PTPRD: variants seen among roughly 807,000 people sequenced by gnomAD.
PTPRD encodes receptor-type tyrosine-protein phosphatase delta.
A neutral mutation model predicts 214.5 loss-of-function variants in PTPRD; 34 were observed. The ratio of observed to expected loss-of-function variants is 0.16; its 90% CI spans 0.12 to 0.21. The LOEUF is 0.21. PTPRD is among the 10% of genes least tolerant of loss of function. The pLI, the probability that PTPRD is intolerant of heterozygous loss-of-function variation, is 1.00. For missense variants in PTPRD, 2,545 were observed against 2,398.7 expected (o/e 1.06, Z -1.27); for synonymous variants, 1,128 against 845.7 (o/e 1.33, Z -5.79).
intron 10 of PTPRD, among the ~76,000 whole-genome samples, chr9:9,041,817 C>T (rs992339706): frequency 6.6e-6 from 1 of 152,182 alleles, no homozygotes; most frequent in South Asian, 2.1e-4. Context: ...ACAACTAGGA[C>T]TCCTAAATCC....
At chr9:9,679,941 T>C (rs891337569) in intron 7 of PTPRD, among the ~76,000 whole-genome samples, 4 of 151,918 alleles carry the variant, frequency 2.6e-5, no homozygotes, top group Admixed American at 2.0e-4. Context: ...AAATAAGATA[T>C]GCAAAACTGC....
At chr9:8,757,635 TATATATACATACATATATAC>T (rs1351989587) in intron 11 of PTPRD, among the ~76,000 whole-genome samples, 388 of 145,548 alleles carry the variant, frequency 2.7e-3, no homozygotes, top group African/African-American at 9.5e-3. Context: ...TATATATATA[TATATATACATACATATATAC>T]ATATATATAT....
intron 33 of PTPRD, among the ~76,000 whole-genome samples, chr9:8,456,661 A>T (rs116656515): frequency 0.017 from 2,536 of 152,310 alleles, 80 homozygotes; most frequent in African/African-American, 0.059. Context: ...CAAAGCTTGC[A>T]GAGAGCCAGT....
At chr9:9,388,743 T>A (rs2064785878) in intron 9 of PTPRD, among the ~76,000 whole-genome samples, 1 of 152,170 alleles carries the variant, frequency 6.6e-6, no homozygotes, top group East Asian at 1.9e-4. Flanking sequence ...TAGGTATTAG[T>A]CTAAGGAAAG....
intron 9 of PTPRD, among the ~76,000 whole-genome samples, chr9:9,354,718 T>G (rs187512583): frequency 6.6e-6 from 1 of 151,912 alleles, no homozygotes; most frequent in Admixed American, 6.6e-5. Context: ...GTAAGAAGGA[T>G]TTGAAGTATC....
chr9:9,670,786 T>G (rs1440266157), intron 7 of PTPRD, among the ~76,000 whole-genome samples: 1 of 152,146 alleles, frequency 6.6e-6, no homozygotes, highest in East Asian at 1.9e-4. Context: ...AGTCAAGAAC[T>G]GGGGTTTGGG....
At chr9:10,598,420 A>T (rs2077102369) in intron 2 of PTPRD, among the ~76,000 whole-genome samples, 1 of 151,758 alleles carries the variant, frequency 6.6e-6, no homozygotes, top group Admixed American at 6.6e-5. Flanking sequence ...CATAATGGTA[A>T]AGATATCACA....
chr9:9,133,479 T>C (rs2099845974), intron 10 of PTPRD, among the ~76,000 whole-genome samples: 1 of 152,166 alleles, frequency 6.6e-6, no homozygotes, highest in Non-Finnish European at 1.5e-5. Flanking sequence ...AATTAGAGTG[T>C]ATACACTGAA....
intron 5 of PTPRD, among the ~76,000 whole-genome samples, chr9:9,837,516 T>C (rs541602875): frequency 1.1e-4 from 17 of 152,220 alleles, no homozygotes; most frequent in African/African-American, 3.9e-4. Context: ...AAGGGCCATA[T>C]AGCTGAAGAT....
chr9:8,468,181 A>G (rs72692958), intron 31 of PTPRD, among the ~76,000 whole-genome samples: 1,584 of 152,108 alleles, frequency 0.01, 18 homozygotes, highest in African/African-American at 0.029. Context: ...ATTAAAGTCA[A>G]ACCTGGAGCA....
At chr9:8,536,161 G>C (rs1357217904) in intron 14 of PTPRD, among the ~76,000 whole-genome samples, 2 of 151,542 alleles carry the variant, frequency 1.3e-5, no homozygotes, top group African/African-American at 4.8e-5. Context: ...CTCTAGATTT[G>C]GTGTCTTTTT....
chr9:8,433,933 T>C (rs999479257), intron 35 of PTPRD, among the ~76,000 whole-genome samples: 2 of 152,144 alleles, frequency 1.3e-5, no homozygotes, highest in Admixed American at 6.5e-5. Flanking sequence ...ACTAAAAGTC[T>C]TGCAAGCTCC....
intron 2 of PTPRD, among the ~76,000 whole-genome samples, chr9:10,519,684 T>G (rs1267789064): frequency 6.6e-6 from 1 of 152,174 alleles, no homozygotes; most frequent in African/African-American, 2.4e-5. Context: ...GCTCAACTCA[T>G]CCCTGTGTCA....
rs575769133 is a variant in PTPRD, at chr9:9,110,262, C to G, written c.-143+73042G>C. ...ACACCCAAATAAAAACCCCAGCACACGTCTTTAGGTCAGTTTTTCTCAAAG... is the reference window on the plus strand; with the variant it reads ...ACACCCAAATAAAAACCCCAGCACAGGTCTTTAGGTCAGTTTTTCTCAAAG... On this transcript the variant is annotated intron_variant, in intron 10 of 45. Coordinates refer to ENST00000381196, the MANE Select transcript of PTPRD (RefSeq NM_002839.4). 8.2e-4 allele frequency among the ~76,000 whole-genome samples: 125 copies of G among 152,254 alleles called. 2 individuals carry two copies. The highest frequency in any genetic ancestry group is 1.4e-3 in the Non-Finnish European group (93 of 68,010).
intron 7 of PTPRD, among the ~76,000 whole-genome samples, chr9:9,591,049 T>C (rs1453483791): frequency 3.3e-5 from 5 of 152,052 alleles, no homozygotes; most frequent in Admixed American, 6.6e-5. Context: ...GAACCTGTGT[T>C]ACCTTCCATT....
intron 11 of PTPRD, among the ~76,000 whole-genome samples, chr9:8,778,582 C>T (rs10977297): frequency 2.5e-3 from 383 of 152,284 alleles, no homozygotes; most frequent in African/African-American, 9.0e-3. Context: ...GACTTCCAAG[C>T]TCCACAGGAC....
intron 11 of PTPRD, among the ~76,000 whole-genome samples, chr9:8,942,858 T>C (rs2099042044): frequency 6.6e-6 from 1 of 152,138 alleles, no homozygotes; most frequent in African/African-American, 2.4e-5. Flanking sequence ...TGTTTGCAGA[T>C]GGTATTATCT....
intron 12 of PTPRD, among the ~76,000 whole-genome samples, chr9:8,725,399 G>A (rs1482928294): frequency 1.5e-4 from 23 of 152,134 alleles, no homozygotes; most frequent in Admixed American, 1.5e-3. Context: ...CTTGGCACGG[G>A]AAATGTGTCC....
chr9:8,517,701 T>C lies in PTPRD; in HGVS notation c.1543+147A>G, dbSNP rs936983858. 7 of 672,750 alleles carry C rather than the reference T, an allele frequency of 1.0e-5. No homozygotes were observed. In the African/African-American group the frequency reaches 1.1e-4, roughly 10 times the overall value. The allele number at this position is 672,750 out of a possible 1,614,324, so 41.7% of individuals were successfully genotyped here. On this transcript the variant is annotated intron_variant, in intron 21 of 45. Coordinates refer to ENST00000381196, the MANE Select transcript of PTPRD (RefSeq NM_002839.4). ...TTCAGATGTCCATGCTTGTTCCTTT[T>C]CAGATATCTATCATCTGTTGCTTTG...
Sources: gnomAD v4.1 joint callset for allele counts (sites outside exome capture counted in the v4.1 genomes callset) on GRCh38, gnomAD v4.1.1 for gene constraint, MANE v1.5 for transcripts, NCBI Gene and HGNC (gene_info 2026-07-23, HGNC 2026-07-21) for gene names.